Variants in RORA observed in about 807,000 individuals in gnomAD.
The protein encoded by RORA is RAR related orphan receptor A, also known as nuclear receptor ROR-alpha.
RORA carries 7 observed loss-of-function variants against 69.5 expected under a neutral mutation model. The ratio of observed to expected loss-of-function variants is 0.10; its 90% CI spans 0.06 to 0.19. The LOEUF (loss-of-function observed/expected upper bound fraction) is 0.19. RORA is among the 10% of genes least tolerant of loss of function. The pLI is 1.00. For synonymous variants in RORA, 261 were observed against 240.8 expected, an observed-to-expected ratio of 1.08 and a Z score of -0.78; for missense variants, 457 against 663.0, an observed-to-expected ratio of 0.69 and a Z score of 3.41.
rs775110250 is a variant in RORA at position 60,503,531 on chromosome 15, A to G, written c.1075+4T>C. The stretch of plus-strand genomic sequence containing the variant: ...ATCTCAAAATTCACTTGCAAAGCAC[A>G]TACCTGCTTTTAGAAGCACAATTTG... On this transcript the variant is annotated splice_donor_region_variant and intron_variant, in intron 7 of 10. Coordinates refer to ENST00000335670, the MANE Select transcript of RORA (RefSeq NM_134261.3). The G allele has an allele frequency of 5.0e-6, 8 of 1,614,008 alleles. No homozygotes were observed. In the East Asian group the frequency reaches 1.6e-4, roughly 31 times the overall value.
chr15:60,510,130 C>T (rs2065648490), intron 5 of RORA, among the ~76,000 whole-genome samples: 1 of 152,214 alleles, frequency 6.6e-6, no homozygotes, highest in South Asian at 2.1e-4. Context: ...GTGCTCAAGT[C>T]TGAACCTGCT....
chr15:60,642,642 G>T (rs934228071), intron 2 of RORA, among the ~76,000 whole-genome samples: 8 of 152,290 alleles, frequency 5.3e-5, no homozygotes, highest in Admixed American at 3.3e-4. Context: ...TGTAGTCCCA[G>T]TGCTTTGGGA....
At chr15:60,937,552 G>A (rs1247295405) in intron 1 of RORA, among the ~76,000 whole-genome samples, 1 of 152,160 alleles carries the variant, frequency 6.6e-6, no homozygotes, top group Non-Finnish European at 1.5e-5. Flanking sequence ...TGCACTGGGG[G>A]CAGAAAAATG....
At chr15:60,653,987 C>G (rs970625912) in intron 2 of RORA, among the ~76,000 whole-genome samples, 24 of 152,248 alleles carry the variant, frequency 1.6e-4, no homozygotes, top group Middle Eastern at 3.4e-3. Context: ...TATCAGGAGA[C>G]CCTGACCTTT....
In RORA at chr15:61,165,544, A is replaced by C. The variant is rs1317605013; in HGVS notation, c.166+63509T>G. On this transcript the variant is annotated intron_variant, in intron 1 of 10. Transcript: ENST00000335670. ...AGAACTTTTACCCTAAAGAAATTCC[A>C]TTCTAAATGCCAATATGTAAAATAG... is the stretch of plus-strand genomic sequence containing the variant. Among the ~76,000 whole-genome samples the C allele has an allele frequency of 2.6e-5, 4 of 152,164 alleles. No individual in the cohort carries two copies. The East Asian group carries it at 7.7e-4, about 29-fold the overall frequency.
chr15:60,761,513 T>TA (rs1322714737), intron 1 of RORA, among the ~76,000 whole-genome samples: 1 of 152,170 alleles, frequency 6.6e-6, no homozygotes, highest in Non-Finnish European at 1.5e-5. Flanking sequence ...TATGTTTTTT[T>TA]AAAAAATTAT....
chr15:60,746,622 G>A (rs1168411231), intron 1 of RORA, among the ~76,000 whole-genome samples: 2 of 152,208 alleles, frequency 1.3e-5, no homozygotes, highest in Admixed American at 6.5e-5. Context: ...CAAGGAGACA[G>A]AAGTTTCTAT....
intron 2 of RORA, among the ~76,000 whole-genome samples, chr15:60,584,613 G>A (rs941881110): frequency 2.0e-5 from 3 of 152,112 alleles, no homozygotes; most frequent in Admixed American, 2.0e-4. Flanking sequence ...GCACAAAGGT[G>A]GTACCTGAAT....
At position 61,183,979 on chromosome 15, in the gene RORA, CCA is replaced by C. The variant is rs2079714598; in HGVS notation, c.166+45072_166+45073del. 2.0e-5 allele frequency among the ~76,000 whole-genome samples: 3 copies of C among 152,132 alleles called. No individual in the cohort carries two copies. In the South Asian group the frequency reaches 6.2e-4, roughly 31 times the overall value. On this transcript the variant is annotated intron_variant, in intron 1 of 10. Transcript: ENST00000335670. ...TGCTCCCACACACCTCTGCCCTAAC[CCA>C]GTGATCCTCTCCTCATCTGTTAATT...
At chr15:60,706,548 C>G (rs898149736) in intron 1 of RORA, among the ~76,000 whole-genome samples, 18 of 152,168 alleles carry the variant, frequency 1.2e-4, no homozygotes, top group African/African-American at 4.1e-4. Flanking sequence ...AAGTCTACAT[C>G]TTTTGTATCA....
intron 1 of RORA, among the ~76,000 whole-genome samples, chr15:60,707,333 A>ATTTT (rs1029091140): frequency 1.4e-4 from 17 of 120,918 alleles, no homozygotes; most frequent in South Asian, 5.7e-4. Flanking sequence ...CTATTTCTTT[A>ATTTT]TTTTATTTAT....
At chr15:60,587,131 G>A (rs934917002) in intron 2 of RORA, among the ~76,000 whole-genome samples, 7 of 152,110 alleles carry the variant, frequency 4.6e-5, no homozygotes, top group African/African-American at 1.2e-4. Context: ...TCATAATGGC[G>A]ATTGGTTACA....
chr15:61,013,848 A>C (rs1895180269), intron 1 of RORA, among the ~76,000 whole-genome samples: 1 of 130,778 alleles, frequency 7.6e-6, no homozygotes, highest in South Asian at 2.3e-4. Context: ...CAGTGGCGCA[A>C]TTTCGGCTCA....
At chr15:60,540,214 C>T (rs1455877219) in intron 2 of RORA, among the ~76,000 whole-genome samples, 1 of 152,128 alleles carries the variant, frequency 6.6e-6, no homozygotes, top group African/African-American at 2.4e-5. Context: ...TTCTCCTTAA[C>T]AGGAACAATT....
rs74784588 is a variant in RORA, at chr15:60,646,271, G to A, written c.196+32386C>T. On this transcript the variant is annotated intron_variant, in intron 2 of 10. Coordinates refer to ENST00000335670, the MANE Select transcript of RORA (RefSeq NM_134261.3). ...TGCTCTTTTTCCTTGCTTCCAACTC[G>A]CAAACTCTTAATTCATCTTTTCAGA... Among the ~76,000 whole-genome samples, 987 of 152,178 alleles carry A rather than the reference G, an allele frequency of 6.5e-3. 10 individuals are homozygous for A. The highest frequency in any genetic ancestry group is 0.021 in the African/African-American group (883 of 41,486).
At chr15:60,728,514 CT>C (rs2071392378) in intron 1 of RORA, among the ~76,000 whole-genome samples, 1 of 152,140 alleles carries the variant, frequency 6.6e-6, no homozygotes. Flanking sequence ...AAAAATATCC[CT>C]ACTAAGTAAA....
chr15:61,031,159 C>T (rs1285219905), intron 1 of RORA, among the ~76,000 whole-genome samples: 2 of 151,992 alleles, frequency 1.3e-5, no homozygotes, highest in Non-Finnish European at 2.9e-5. Context: ...AATATCAAAT[C>T]CAAAAGTATT....
chr15:60,728,719 A>G (rs1028678012), intron 1 of RORA, among the ~76,000 whole-genome samples: 2 of 152,194 alleles, frequency 1.3e-5, no homozygotes, highest in Non-Finnish European at 2.9e-5. Flanking sequence ...CAACAAGTAT[A>G]TGCCAAGTGC....
chr15:60,749,324 T>C (rs2071690196), intron 1 of RORA, among the ~76,000 whole-genome samples: 1 of 152,248 alleles, frequency 6.6e-6, no homozygotes, highest in African/African-American at 2.4e-5. Flanking sequence ...AAACTTAACG[T>C]AGCCTGATCC....
Sources: allele counts gnomAD v4.1 joint callset (sites outside exome capture counted in the v4.1 genomes callset), GRCh38; gene constraint gnomAD v4.1.1; transcripts MANE v1.5; gene names NCBI Gene and HGNC (gene_info 2026-07-23, HGNC 2026-07-21).